ACOXL: variants seen among roughly 807,000 people sequenced by gnomAD.
ACOXL encodes acyl-coenzyme A oxidase-like protein.
A neutral mutation model predicts 71.9 loss-of-function variants in ACOXL; 70 were observed. That is an observed-to-expected ratio of 0.97 (90% CI 0.80 to 1.19). ACOXL has a LOEUF of 1.19. Among genes scored for constraint, ACOXL ranks in the 50% most tolerant of loss-of-function variants. The pLI is 0.00. For synonymous variants in ACOXL, 253 were observed against 281.6 expected, an observed-to-expected ratio of 0.90 and a Z score of 1.02; for missense variants, 703 against 736.3, an observed-to-expected ratio of 0.95 and a Z score of 0.52.
intron 10 of ACOXL, among the ~76,000 whole-genome samples, chr2:110,860,872 G>GT (rs1279044280): frequency 1.3e-5 from 2 of 152,180 alleles, no homozygotes; most frequent in Non-Finnish European, 2.9e-5. Context: ...ACGGCCCCCT[G>GT]TTATCCACTG....
intron 16 of ACOXL, among the ~76,000 whole-genome samples, chr2:111,088,101 C>T (rs1157272568): frequency 6.6e-6 from 1 of 152,202 alleles, no homozygotes; most frequent in Admixed American, 6.5e-5. Context: ...GATACCATCT[C>T]ACACCAGTCA....
intron 10 of ACOXL, among the ~76,000 whole-genome samples, chr2:110,884,268 T>G (rs1697034611): frequency 6.6e-6 from 1 of 152,246 alleles, no homozygotes; most frequent in Non-Finnish European, 1.5e-5. Flanking sequence ...GAGAACTATC[T>G]TAACAAGGTG....
At chr2:110,975,479 C>G (rs1296927563) in intron 12 of ACOXL, among the ~76,000 whole-genome samples, 3 of 152,040 alleles carry the variant, frequency 2.0e-5, no homozygotes, top group South Asian at 4.1e-4. Context: ...CAAAACACTT[C>G]ACCCCTAAGA....
chr2:110,773,096 C>T (rs1203849794), intron 2 of ACOXL, among the ~76,000 whole-genome samples: 1 of 152,170 alleles, frequency 6.6e-6, no homozygotes, highest in East Asian at 1.9e-4. Context: ...TCTAAATCGT[C>T]TACTATTTTC....
At chr2:110,784,096 C>T (rs1683655348) in intron 2 of ACOXL, among the ~76,000 whole-genome samples, 1 of 152,068 alleles carries the variant, frequency 6.6e-6, no homozygotes, top group African/African-American at 2.4e-5. Flanking sequence ...CAGGGTGCTC[C>T]CAGACTTCCC....
intron 1 of ACOXL, among the ~76,000 whole-genome samples, chr2:110,766,354 T>C (rs1335622711): frequency 6.6e-6 from 1 of 152,196 alleles, no homozygotes; most frequent in Non-Finnish European, 1.5e-5. Context: ...TATTGGGATG[T>C]CCAGGTGGCC....
At chr2:110,950,804 G>A (rs1037011230) in intron 12 of ACOXL, among the ~76,000 whole-genome samples, 1 of 119,090 alleles carries the variant, frequency 8.4e-6, no homozygotes, top group Non-Finnish European at 1.7e-5. Context: ...AGGAAGGGTG[G>A]GGGGTGGAGA....
chr2:110,816,532 G>GCCT (rs1687943853), intron 9 of ACOXL, among the ~76,000 whole-genome samples: 1 of 152,184 alleles, frequency 6.6e-6, no homozygotes, highest in Non-Finnish European at 1.5e-5. Flanking sequence ...GTGTATCTGG[G>GCCT]CAATGACTGT....
chr2:111,077,519 T>G (rs188842322), intron 16 of ACOXL, among the ~76,000 whole-genome samples: 1 of 152,378 alleles, frequency 6.6e-6, no homozygotes, highest in East Asian at 1.9e-4. Context: ...TCTGTTGCTC[T>G]TCCTTCGTTC....
intron 15 of ACOXL, among the ~76,000 whole-genome samples, chr2:111,034,587 A>G (rs1454880229): frequency 3.9e-5 from 6 of 152,256 alleles, no homozygotes; most frequent in African/African-American, 1.4e-4. Flanking sequence ...AAAGAAAGTA[A>G]TGGAAGAAAA....
At chr2:110,872,921 C>G (rs1695450188) in intron 10 of ACOXL, among the ~76,000 whole-genome samples, 1 of 152,206 alleles carries the variant, frequency 6.6e-6, no homozygotes, top group South Asian at 2.1e-4. Flanking sequence ...AGTGACACCT[C>G]ACGGGGCTGC....
intron 12 of ACOXL, among the ~76,000 whole-genome samples, chr2:110,938,480 G>A (rs569972753): frequency 9.2e-5 from 14 of 152,318 alleles, no homozygotes; most frequent in East Asian, 3.9e-4. Context: ...GACACTTCAC[G>A]TCAGCTATTC....
intron 12 of ACOXL, among the ~76,000 whole-genome samples, chr2:110,947,972 G>C (rs1382635532): frequency 6.6e-6 from 1 of 152,208 alleles, no homozygotes; most frequent in Non-Finnish European, 1.5e-5. Flanking sequence ...CCACTCTCGT[G>C]TCACCGTGCC....
At chr2:111,046,237 C>T (rs1474280450) in intron 15 of ACOXL, among the ~76,000 whole-genome samples, 2 of 152,212 alleles carry the variant, frequency 1.3e-5, no homozygotes, top group Admixed American at 1.3e-4. Flanking sequence ...CCGGGCTCCA[C>T]ACGTCACTGA....
At chr2:110,848,487 A>G (rs1173567387) in intron 10 of ACOXL, among the ~76,000 whole-genome samples, 1 of 152,122 alleles carries the variant, frequency 6.6e-6, no homozygotes, top group Non-Finnish European at 1.5e-5. Context: ...TGCCCAAGTC[A>G]TATGCTTTTC....
In ACOXL at chr2:110,784,870, A is replaced by G. The variant is rs925954044; in HGVS notation, c.159+55A>G. The G allele has an allele frequency of 3.6e-5, 54 of 1,505,616 alleles. 1 individual carries two copies. In the African/African-American group the frequency reaches 6.0e-4, roughly 17 times the overall value. 93.3% of individuals were successfully genotyped at this position (1,505,616 alleles called of 1,614,324 possible). On this transcript the variant is annotated intron_variant, in intron 3 of 17. Transcript: ENST00000439055. ...GAATGCATGCTCGCTTTGCATGCCA[A>G]GGAATGAAAACTATAACCCCGTGAG...
chr2:110,779,677 C>G (rs993480359), intron 2 of ACOXL, among the ~76,000 whole-genome samples: 2 of 152,162 alleles, frequency 1.3e-5, no homozygotes, highest in Non-Finnish European at 2.9e-5. Flanking sequence ...ACATATATGA[C>G]CAATTGAGTT....
chr2:110,804,592 G>A lies in ACOXL; in HGVS notation c.621-671G>A, dbSNP rs147490876. ...GGGGAAGATAATCCAAATATCCATC[G>A]ACTGAGGAAACAGGAAATAAAATGT... On this transcript the variant is annotated intron_variant, in intron 8 of 17. Transcript: ENST00000439055. Among the ~76,000 whole-genome samples the A allele has an allele frequency of 1.1e-3, 170 of 152,094 alleles. 2 individuals carry two copies. Among genetic ancestry groups the A allele is most frequent in the Non-Finnish European group, 1.7e-3 (113 of 68,010 alleles).
chr2:111,105,139 T>C (rs766238996), intron 17 of ACOXL, among the ~76,000 whole-genome samples: 3 of 152,130 alleles, frequency 2.0e-5, no homozygotes, highest in Admixed American at 6.5e-5. Context: ...AAAAATTAGT[T>C]GGTCGTATTT....
Sources: allele counts gnomAD v4.1 joint callset (sites outside exome capture counted in the v4.1 genomes callset), GRCh38; gene constraint gnomAD v4.1.1; transcripts MANE v1.5; gene names NCBI Gene and HGNC (gene_info 2026-07-23, HGNC 2026-07-21).